The following RASA3 variants were observed in gnomAD, a reference collection of about 807,000 sequenced individuals.
RASA3 encodes the protein RAS p21 protein activator 3, also known as ras GTPase-activating protein 3.
RASA3 carries 73 observed loss-of-function variants against 110.0 expected under a neutral mutation model. The ratio of observed to expected loss-of-function variants is 0.66; its 90% CI spans 0.55 to 0.81. RASA3 has a LOEUF of 0.81. Ranked by LOEUF, RASA3 falls within the 30% of genes least tolerant of loss-of-function variation. The pLI, the probability that RASA3 is intolerant of heterozygous loss-of-function variation, is 0.00. For missense variants in RASA3, 976 were observed against 1,113.2 expected, an observed-to-expected ratio of 0.88 and a Z score of 1.75; for synonymous variants, 500 against 451.4, an observed-to-expected ratio of 1.11 and a Z score of -1.37.
intron 1 of RASA3, 119 bp from the exon 2 acceptor site, chr13:114,073,956 GTTTT>G: frequency 1.1e-6 from 1 of 913,224 alleles, no homozygotes; most frequent in Non-Finnish European, 1.8e-6. Context: ...TAAAGCCTTG[GTTTT>G]TTTGCCACCA....
intron 8 of RASA3, among the ~76,000 whole-genome samples, chr13:114,022,720 G>A (rs1241988777): frequency 6.6e-6 from 1 of 152,222 alleles, no homozygotes; most frequent in Non-Finnish European, 1.5e-5. Flanking sequence ...GAGTGGCCAG[G>A]CAGGCGCATT....
chr13:114,081,422 G>A (rs887023059), intron 1 of RASA3, among the ~76,000 whole-genome samples: 5 of 152,332 alleles, frequency 3.3e-5, no homozygotes, highest in African/African-American at 7.2e-5. Context: ...AATGCTGTCC[G>A]CAGACCACGG....
At chr13:113,997,605 G>C (rs183272551) in intron 20 of RASA3, among the ~76,000 whole-genome samples, 1 of 152,080 alleles carries the variant, frequency 6.6e-6, no homozygotes, top group East Asian at 1.9e-4. Context: ...TTAGAGGGAC[G>C]GGGGTGCTGG....
At position 114,057,154 on chromosome 13, in the gene RASA3, G is replaced by A. The variant is rs1036142310; in HGVS notation, c.174-4999C>T. 1 of 951,376 alleles carries A rather than the reference G, an allele frequency of 1.1e-6. No individual in the cohort carries two copies. The highest frequency in any genetic ancestry group is 6.2e-5 in the Admixed American group (1 of 16,234). The allele number at this position is 951,376 out of a possible 1,614,324, so 58.9% of individuals were successfully genotyped here. A position where few individuals can be genotyped will look rare whatever the true frequency, so the allele number is the denominator to read the frequency against. On this transcript the variant is annotated intron_variant, in intron 2 of 23. Coordinates refer to ENST00000334062, the MANE Select transcript of RASA3 (RefSeq NM_007368.4). This position sits in a 1 kb window ranked among gnomAD's most constrained non-coding sequence, Gnocchi z 5.0. Reference sequence around the variant, plus strand: ...ATGTCTGATGTCGTTTATTCTAGTGGTTCCAATTGCCTATTTTAATGTTTT... The same window carrying A: ...ATGTCTGATGTCGTTTATTCTAGTGATTCCAATTGCCTATTTTAATGTTTT...
At chr13:114,035,401 C>T (rs1237335120) in intron 4 of RASA3, among the ~76,000 whole-genome samples, 3 of 152,216 alleles carry the variant, frequency 2.0e-5, no homozygotes, top group Admixed American at 6.5e-5. Flanking sequence ...CTCCTGACAA[C>T]GTGTGGCTGC....
chr13:114,018,644 G>T, intron 10 of RASA3, 119 bp downstream of exon 10: 1 of 1,273,058 alleles, frequency 7.9e-7, no homozygotes, highest in Non-Finnish European at 1.1e-6. Flanking sequence ...AGGCTGGGAG[G>T]CGTGGGAAAG....
At chr13:114,052,177 C>T (rs201279549) in intron 2 of RASA3, 22 bp from the exon 3 acceptor site, 1 of 1,551,692 alleles carries the variant, frequency 6.4e-7, no homozygotes. Context: ...AAGAAAAGCG[C>T]CAGTTAGAAC....
chr13:114,018,125 C>G lies in RASA3; in HGVS notation c.1070G>C (p.Ser357Thr). ...RVVPFISAIASAEVKRTQDPN... is the reference protein window; with the variant it reads ...RVVPFISAIATAEVKRTQDPN... Reference sequence around the variant, plus strand: ...TCACTGGGTCCGCTTCACCTCCGCGCTGGCGATGGCACTGATGAATGGCAC... The same window carrying G: ...TCACTGGGTCCGCTTCACCTCCGCGGTGGCGATGGCACTGATGAATGGCAC... Residue 357 changes from serine (S) to threonine (T), a missense_variant, in exon 11 of 24, where the codon AGC becomes ACC. Transcript: ENST00000334062. 6.5e-7 allele frequency: 1 copy of G among 1,548,468 alleles called. No homozygotes were observed.
intron 1 of RASA3, among the ~76,000 whole-genome samples, chr13:114,081,086 C>A (rs12872316): frequency 0.04 from 4,484 of 112,656 alleles, 145 homozygotes; most frequent in African/African-American, 0.11. Flanking sequence ...GGCCGTCCAC[C>A]TAGAACACCA....
At chr13:114,058,622 C>A (rs1222513417) in intron 2 of RASA3, among the ~76,000 whole-genome samples, 1 of 152,252 alleles carries the variant, frequency 6.6e-6, no homozygotes. Context: ...ATGCCCAGAC[C>A]AGCAACCATG....
intron 1 of RASA3, among the ~76,000 whole-genome samples, chr13:114,125,530 T>C (rs1463895524): frequency 6.6e-6 from 1 of 152,166 alleles, no homozygotes. Flanking sequence ...GAGCTGTTCA[T>C]ATAAATCCAC....
At chr13:114,023,147 T>C (rs2053960493) in intron 8 of RASA3, among the ~76,000 whole-genome samples, 1 of 152,230 alleles carries the variant, frequency 6.6e-6, no homozygotes, top group Non-Finnish European at 1.5e-5. Context: ...TGTTAGCCCC[T>C]GGGAGGGAGG....
chr13:113,989,297 A>AT (rs2053047147), intron 22 of RASA3, among the ~76,000 whole-genome samples: 1 of 119,844 alleles, frequency 8.3e-6, no homozygotes, highest in Non-Finnish European at 1.7e-5. Flanking sequence ...CCATCCACCC[A>AT]TTACTCACCC....
intron 1 of RASA3, among the ~76,000 whole-genome samples, chr13:114,107,288 TCG>T (rs2080147211): frequency 1.5e-5 from 2 of 132,368 alleles, no homozygotes; most frequent in Non-Finnish European, 3.6e-5. Context: ...TGTCCCTCCT[TCG>T]TATCCTGACC....
chr13:114,079,061 G>T (rs2079738799), intron 1 of RASA3, among the ~76,000 whole-genome samples: 1 of 152,244 alleles, frequency 6.6e-6, no homozygotes, highest in Non-Finnish European at 1.5e-5. Context: ...CAGCAGCTCA[G>T]CTCAGCGCCC....
chr13:114,069,263 T>C (rs1172389748), intron 2 of RASA3, among the ~76,000 whole-genome samples: 2 of 151,744 alleles, frequency 1.3e-5, no homozygotes, highest in Admixed American at 1.3e-4. Flanking sequence ...CCAGGGAATG[T>C]GAGAAGGGGC....
intron 1 of RASA3, among the ~76,000 whole-genome samples, chr13:114,074,249 G>C (rs1272389786): frequency 6.6e-6 from 1 of 152,050 alleles, no homozygotes; most frequent in East Asian, 1.9e-4. Flanking sequence ...CTTCCCAAAC[G>C]GAGACTCGGT....
intron 22 of RASA3, among the ~76,000 whole-genome samples, chr13:113,989,969 C>A (rs759062066): frequency 6.6e-6 from 1 of 152,158 alleles, no homozygotes; most frequent in Non-Finnish European, 1.5e-5. Context: ...GGAGGAGGGG[C>A]CTGGAGGAAG....
At chr13:114,068,991 C>T (rs906719936) in intron 2 of RASA3, among the ~76,000 whole-genome samples, 2 of 152,202 alleles carry the variant, frequency 1.3e-5, no homozygotes, top group Non-Finnish European at 2.9e-5. Flanking sequence ...CCCCAGACGT[C>T]GGCTCAGCAC....
Sources: allele counts gnomAD v4.1 joint callset (sites outside exome capture counted in the v4.1 genomes callset), GRCh38; gene constraint gnomAD v4.1.1; non-coding constraint Gnocchi (gnomAD v3.1); transcripts MANE v1.5; gene names NCBI Gene and HGNC (gene_info 2026-07-23, HGNC 2026-07-21).